The following FBXL7 variants were observed in gnomAD, a reference collection of about 807,000 sequenced individuals.
FBXL7 encodes the protein F-box/LRR-repeat protein 7.
In FBXL7, 12 loss-of-function variants were observed where a neutral mutation model predicts 38.3. The observed-to-expected ratio is 0.31, with a 90% CI of 0.20 to 0.51. FBXL7 has a LOEUF of 0.51. Among genes scored for constraint, FBXL7 ranks in the 20% least tolerant of loss-of-function variants. The probability of loss-of-function intolerance (pLI) is 0.98; values close to 1 mark genes in which losing one functional copy is unlikely to be tolerated. For synonymous variants in FBXL7, 297 were observed against 300.9 expected (o/e 0.99, Z 0.13); for missense variants, 567 against 676.4 (o/e 0.84, Z 1.79).
At chr5:15,643,139 G>A (rs745638047) in intron 2 of FBXL7, among the ~76,000 whole-genome samples, 5 of 152,186 alleles carry the variant, frequency 3.3e-5, no homozygotes, top group Admixed American at 6.5e-5. Flanking sequence ...CTCAAGTTAT[G>A]TAAATCTCAG....
At chr5:15,841,267 T>C (rs1157833216) in intron 2 of FBXL7, among the ~76,000 whole-genome samples, 8 of 152,304 alleles carry the variant, frequency 5.3e-5, no homozygotes, top group Non-Finnish European at 1.5e-5. Flanking sequence ...ATTTTTTGTT[T>C]CTGGTTCATA....
At chr5:15,853,950 T>C (rs1739178129) in intron 2 of FBXL7, among the ~76,000 whole-genome samples, 1 of 152,230 alleles carries the variant, frequency 6.6e-6, no homozygotes, top group Admixed American at 6.5e-5. Flanking sequence ...TTTGCAAGTC[T>C]CTTAATGAAC....
intron 1 of FBXL7, among the ~76,000 whole-genome samples, chr5:15,523,675 G>A (rs533969233): frequency 9.2e-5 from 14 of 152,250 alleles, no homozygotes; most frequent in South Asian, 2.1e-4. Context: ...GCCTGTTACC[G>A]TCCGTGGCGC....
At chr5:15,562,212 T>G (rs185124379) in intron 1 of FBXL7, among the ~76,000 whole-genome samples, 25 of 152,244 alleles carry the variant, frequency 1.6e-4, no homozygotes, top group African/African-American at 6.0e-4. Flanking sequence ...AGCAATGATT[T>G]CATGGATATG....
chr5:15,882,658 T>G (rs1429769782), intron 2 of FBXL7, among the ~76,000 whole-genome samples: 11 of 152,200 alleles, frequency 7.2e-5, no homozygotes, highest in Non-Finnish European at 1.5e-4. Flanking sequence ...ACAATAAGTC[T>G]TATGAAGCCA....
At chr5:15,708,432 C>T (rs1743758124) in intron 2 of FBXL7, among the ~76,000 whole-genome samples, 1 of 152,192 alleles carries the variant, frequency 6.6e-6, no homozygotes, top group Non-Finnish European at 1.5e-5. Context: ...TCCTGAGTTC[C>T]TTTACCTGAA....
At chr5:15,724,128 C>T (rs1217095630) in intron 2 of FBXL7, among the ~76,000 whole-genome samples, 1 of 152,098 alleles carries the variant, frequency 6.6e-6, no homozygotes, top group Non-Finnish European at 1.5e-5. Flanking sequence ...ACTTTTAGGT[C>T]AGTTTGGTGA....
intron 3 of FBXL7, among the ~76,000 whole-genome samples, chr5:15,934,818 A>G (rs544672929): frequency 6.6e-6 from 1 of 152,294 alleles, no homozygotes; most frequent in African/African-American, 2.4e-5. Context: ...GATACTTAGC[A>G]CCAGCTATGA....
At chr5:15,777,260 A>G (rs1736878120) in intron 2 of FBXL7, among the ~76,000 whole-genome samples, 1 of 151,984 alleles carries the variant, frequency 6.6e-6, no homozygotes. Context: ...CATTGTTTTC[A>G]CTCTACAATA....
At chr5:15,773,793 T>C (rs1444523259) in intron 2 of FBXL7, among the ~76,000 whole-genome samples, 1 of 152,128 alleles carries the variant, frequency 6.6e-6, no homozygotes, top group African/African-American at 2.4e-5. Flanking sequence ...GTGGTTGATA[T>C]GGTTCTATGT....
At chr5:15,561,649 A>G (rs1435322203) in intron 1 of FBXL7, among the ~76,000 whole-genome samples, 1 of 151,570 alleles carries the variant, frequency 6.6e-6, no homozygotes, top group Non-Finnish European at 1.5e-5. Flanking sequence ...ATTTTTTTTT[A>G]CAGTGGCTGC....
intron 2 of FBXL7, among the ~76,000 whole-genome samples, chr5:15,734,780 G>A (rs1007927828): frequency 1.3e-5 from 2 of 152,208 alleles, no homozygotes; most frequent in African/African-American, 2.4e-5. Context: ...AAGTATTCAA[G>A]GAGCACTCAT....
chr5:15,786,712 A>T (rs955354858), intron 2 of FBXL7, among the ~76,000 whole-genome samples: 1 of 152,192 alleles, frequency 6.6e-6, no homozygotes, highest in South Asian at 2.1e-4. Flanking sequence ...TAAATTTAAT[A>T]AAAAAATTAA....
At chr5:15,711,314 G>T (rs1743861369) in intron 2 of FBXL7, among the ~76,000 whole-genome samples, 1 of 152,140 alleles carries the variant, frequency 6.6e-6, no homozygotes, top group Admixed American at 6.5e-5. Context: ...CGGCCTCCAT[G>T]ATTGCGTGGC....
intron 2 of FBXL7, among the ~76,000 whole-genome samples, chr5:15,819,450 T>C (rs1260957812): frequency 6.6e-6 from 1 of 152,182 alleles, no homozygotes; most frequent in African/African-American, 2.4e-5. Context: ...ACACCTATTA[T>C]GTTATCATTA....
chr5:15,598,940 G>A (rs1204885672), intron 1 of FBXL7, among the ~76,000 whole-genome samples: 2 of 152,172 alleles, frequency 1.3e-5, no homozygotes, highest in Non-Finnish European at 2.9e-5. Context: ...GAGGGCAATT[G>A]CTGCATTCAG....
intron 2 of FBXL7, among the ~76,000 whole-genome samples, chr5:15,804,836 C>A (rs1260672964): frequency 2.0e-5 from 3 of 152,308 alleles, no homozygotes; most frequent in African/African-American, 7.2e-5. Context: ...CCCAAACCAT[C>A]CCCCTGCACC....
In FBXL7 at chr5:15,886,905, GC is replaced by G. The variant is rs1248386802; in HGVS notation, c.128-40983del. On this transcript the variant is annotated intron_variant, in intron 2 of 3. Transcript: ENST00000504595. ...TATTCTCCCCAAAATGATTTAAAGT[GC>G]CATGAAGATTTCTTTACATTGAGCA... Among the ~76,000 whole-genome samples the G allele has an allele frequency of 2.0e-5, 3 of 152,260 alleles. No individual in the cohort carries two copies. The East Asian group carries it at 5.8e-4, about 29-fold the overall frequency.
rs577399262 is a variant in FBXL7, at chr5:15,897,341, T to C, written c.128-30549T>C. ...TACTCATTTATTCAACAAATACTTA[T>C]TGTATTTTCCTCTTAAGTGTGAGGC... On this transcript the variant is annotated intron_variant, in intron 2 of 3. Transcript: ENST00000504595. Among the ~76,000 whole-genome samples the C allele has an allele frequency of 1.1e-4, 16 of 152,330 alleles. No homozygotes were observed. In the East Asian group the frequency reaches 2.9e-3, roughly 28 times the overall value.
Sources: gnomAD v4.1 joint callset for allele counts (sites outside exome capture counted in the v4.1 genomes callset) on GRCh38, gnomAD v4.1.1 for gene constraint, MANE v1.5 for transcripts, NCBI Gene and HGNC (gene_info 2026-07-23, HGNC 2026-07-21) for gene names.